The following ZFHX3 variants were observed in gnomAD, a reference collection of about 807,000 sequenced individuals.
ZFHX3 encodes the protein zinc finger homeobox 3, also known as zinc finger homeobox protein 3.
In ZFHX3, 42 loss-of-function variants were observed where a neutral mutation model predicts 279.1. The observed-to-expected ratio is 0.15, with a 90% confidence interval of 0.12 to 0.19. ZFHX3 has a LOEUF of 0.19. Among genes scored for constraint, ZFHX3 ranks in the 10% least tolerant of loss-of-function variants. The pLI is 1.00. For missense variants in ZFHX3, 4,981 were observed against 4,754.0 expected (o/e 1.05, Z -1.40); for synonymous variants, 2,293 against 1,957.8 (o/e 1.17, Z -4.52).
chr16:73,476,607 G>T lies in ZFHX3; in HGVS notation c.-1546-20349C>A, dbSNP rs148175808. On this transcript the variant is annotated intron_variant, in intron 2 of 17. Transcript: ENST00000641206. The stretch of plus-strand genomic sequence containing the variant: ...TTTAATTGATTTAACATTGCAGCAA[G>T]TGGGAGGAAGCTGTGAATTATATGA... Among the ~76,000 whole-genome samples, 273 of 152,308 alleles carry T rather than the reference G, an allele frequency of 1.8e-3. 1 individual carries two copies. The highest frequency in any genetic ancestry group is 5.9e-3 in the African/African-American group (247 of 41,576).
intron 4 of ZFHX3, among the ~76,000 whole-genome samples, chr16:72,888,191 T>A (rs1249254837): frequency 6.6e-6 from 1 of 152,216 alleles, no homozygotes; most frequent in Non-Finnish European, 1.5e-5. Flanking sequence ...TGTAACTTTT[T>A]GCCTTTAAAA....
intron 5 of ZFHX3, chr16:73,257,042 C>A (rs2013679975): frequency 6.6e-6 from 1 of 152,152 alleles, no homozygotes; most frequent in African/African-American, 2.4e-5. Context: ...AGAAACGGCA[C>A]CTACCTTCTC....
intron 6 of ZFHX3, among the ~76,000 whole-genome samples, chr16:73,140,388 G>A (rs1030565299): frequency 2.0e-5 from 3 of 152,092 alleles, no homozygotes; most frequent in African/African-American, 4.8e-5. Flanking sequence ...TGCTCATTAA[G>A]AGGAATATTT....
At chr16:73,321,654 C>G (rs961416385) in intron 3 of ZFHX3, among the ~76,000 whole-genome samples, 1 of 152,220 alleles carries the variant, frequency 6.6e-6, no homozygotes. Context: ...TATTCCAGAA[C>G]CTTCTTCTCT....
chr16:73,251,432 T>C (rs967530871), intron 5 of ZFHX3, among the ~76,000 whole-genome samples: 1 of 152,172 alleles, frequency 6.6e-6, no homozygotes, highest in African/African-American at 2.4e-5. Context: ...ATTACCTTAT[T>C]TGGTCATCAT....
intron 2 of ZFHX3, among the ~76,000 whole-genome samples, chr16:73,475,075 GCTCTCTGA>G (rs1413244990): frequency 6.6e-6 from 1 of 152,038 alleles, no homozygotes; most frequent in Non-Finnish European, 1.5e-5. Flanking sequence ...CCTTCCCTCT[GCTCTCTGA>G]CTCTTCGATC....
intron 3 of ZFHX3, among the ~76,000 whole-genome samples, chr16:73,447,971 C>G (rs1274000480): frequency 6.6e-6 from 1 of 152,136 alleles, no homozygotes; most frequent in Non-Finnish European, 1.5e-5. Flanking sequence ...AACTGAAGGG[C>G]CTGCTAGAAC....
At chr16:73,220,331 C>A (rs1429426988) in intron 5 of ZFHX3, among the ~76,000 whole-genome samples, 1 of 151,816 alleles carries the variant, frequency 6.6e-6, no homozygotes, top group East Asian at 1.9e-4. Context: ...TGCACATGAA[C>A]CCCTGAATCT....
At chr16:73,246,815 A>C (rs192674290) in intron 5 of ZFHX3, among the ~76,000 whole-genome samples, 2 of 152,320 alleles carry the variant, frequency 1.3e-5, no homozygotes, top group Non-Finnish European at 2.9e-5. Flanking sequence ...GTAATTCTAA[A>C]ATGATTCTTT....
intron 2 of ZFHX3, among the ~76,000 whole-genome samples, chr16:73,533,383 C>T (rs2019841715): frequency 6.7e-6 from 1 of 149,824 alleles, no homozygotes; most frequent in African/African-American, 2.5e-5. Flanking sequence ...AAGTGAAACA[C>T]TTTACTTCAT....
chr16:73,656,234 A>G (rs1433550467), intron 2 of ZFHX3, among the ~76,000 whole-genome samples: 3 of 152,246 alleles, frequency 2.0e-5, no homozygotes, highest in African/African-American at 7.2e-5. Context: ...GTGGTCCACA[A>G]AGCCAAAAAT....
At chr16:73,353,343 C>T (rs2143292349) in intron 3 of ZFHX3, among the ~76,000 whole-genome samples, 1 of 152,344 alleles carries the variant, frequency 6.6e-6, no homozygotes, top group African/African-American at 2.4e-5. Context: ...CAAGGACTGC[C>T]ATCCATTTAC....
intron 1 of ZFHX3, among the ~76,000 whole-genome samples, chr16:72,990,935 G>A (rs920252547): frequency 6.6e-5 from 10 of 151,800 alleles, no homozygotes; most frequent in African/African-American, 2.2e-4. Flanking sequence ...AACCAAGATC[G>A]CGTCACTGCA....
At chr16:73,505,281 A>G (rs2143673855) in intron 2 of ZFHX3, among the ~76,000 whole-genome samples, 1 of 152,286 alleles carries the variant, frequency 6.6e-6, no homozygotes, top group African/African-American at 2.4e-5. Context: ...GCACCACCTG[A>G]TAGTGGAGAT....
chr16:72,918,695 CTTT>C (rs568638106), intron 3 of ZFHX3, among the ~76,000 whole-genome samples: 11 of 130,646 alleles, frequency 8.4e-5, no homozygotes, highest in Admixed American at 2.3e-4. Flanking sequence ...AAAGGTAGTT[CTTT>C]TTTTTTTTTT....
At position 72,787,496 on chromosome 16, in the gene ZFHX3, TTGAG is replaced by T; in HGVS notation, c.10776_10779del (p.His3592GlnfsTer101). 9 of 1,612,490 alleles carry T rather than the reference TTGAG, an allele frequency of 5.6e-6. No individual in the cohort carries two copies. The highest frequency in any genetic ancestry group is 2.2e-5 in the South Asian group (2 of 91,018). ...GCCGACGGGGGAGGGGGGCTGTCGT[TTGAG>T]TGAGCGGCAGACTGCGAGGTAGATG... is the stretch of plus-strand genomic sequence containing the variant. On this transcript the variant is annotated frameshift_variant, in exon 10 of 10. Transcript: ENST00000268489. LOFTEE classifies it high-confidence loss of function.
At chr16:73,795,049 T>A (rs989689066) in intron 1 of ZFHX3, among the ~76,000 whole-genome samples, 1 of 152,202 alleles carries the variant, frequency 6.6e-6, no homozygotes, top group African/African-American at 2.4e-5. Context: ...GGAAGCTCAG[T>A]GCTTGGAACA....
rs532405250 is a variant in ZFHX3, at chr16:72,919,777, CTTTTTT to C, written c.3217-29821_3217-29816del. Among the ~76,000 whole-genome samples, 56 of 42,270 alleles carry C rather than the reference CTTTTTT, an allele frequency of 1.3e-3. No individual in the cohort carries two copies. In the Middle Eastern group the frequency reaches 0.1, roughly 75 times the overall value. The allele number at this position is 42,270 out of a possible 152,430, so 27.7% of individuals were successfully genotyped here. A position where few individuals can be genotyped will look rare whatever the true frequency, so the allele number is the denominator to read the frequency against. ...CAACTAAAACATGTATATGCACCAT[CTTTTTT>C]TTTTTTTTTTTTTTTTTTTTTTTTT... On this transcript the variant is annotated intron_variant, in intron 3 of 9. Transcript: ENST00000268489.
intron 3 of ZFHX3, among the ~76,000 whole-genome samples, chr16:73,416,046 G>A (rs2017568794): frequency 6.6e-6 from 1 of 151,180 alleles, no homozygotes; most frequent in Non-Finnish European, 1.5e-5. Context: ...CTTGAACCCG[G>A]GAGGTGGAGG....
Sources: gnomAD v4.1 joint callset for allele counts (sites outside exome capture counted in the v4.1 genomes callset) on GRCh38, gnomAD v4.1.1 for gene constraint, MANE v1.5 for transcripts, NCBI Gene and HGNC (gene_info 2026-07-23, HGNC 2026-07-21) for gene names.